The following CLASP1 variants were observed in gnomAD, a reference collection of about 807,000 sequenced individuals.
CLASP1 encodes the protein CLIP-associating protein 1.
In CLASP1, 38 loss-of-function variants were observed where a neutral mutation model predicts 192.3. That is an observed-to-expected ratio of 0.20 (90% CI 0.15 to 0.26). CLASP1 has a LOEUF of 0.26. Ranked by LOEUF, CLASP1 falls within the 10% of genes least tolerant of loss-of-function variation. CLASP1 has a pLI of 1.00. For synonymous variants in CLASP1, 691 were observed against 712.8 expected, an observed-to-expected ratio of 0.97 and a Z score of 0.49; for missense variants, 1,433 against 1,932.5, an observed-to-expected ratio of 0.74 and a Z score of 4.85.
At chr2:121,636,172 A>C (rs2070810420) in intron 1 of CLASP1, among the ~76,000 whole-genome samples, 1 of 151,282 alleles carries the variant, frequency 6.6e-6, no homozygotes, top group Non-Finnish European at 1.5e-5. Flanking sequence ...CCCGGTCTCT[A>C]CTAAAAACAC....
At chr2:121,504,108 TG>T (rs2093857058) in intron 7 of CLASP1, 1 of 152,314 alleles carries the variant, frequency 6.6e-6, no homozygotes, top group Non-Finnish European at 1.5e-5. Context: ...GGTGGGTGCC[TG>T]TAATCCCAGC....
At chr2:121,530,721 G>A (rs2094763137) in intron 2 of CLASP1, 3 of 513,784 alleles carry the variant, frequency 5.8e-6, no homozygotes, top group East Asian at 5.9e-5. Flanking sequence ...GCGACCCTTC[G>A]GGAGCCTCAG....
intron 1 of CLASP1, among the ~76,000 whole-genome samples, chr2:121,641,199 C>T (rs780810059): frequency 2.0e-5 from 3 of 152,066 alleles, no homozygotes; most frequent in South Asian, 2.1e-4. Flanking sequence ...TTAGCATGTC[C>T]GGGCTACTGT....
At chr2:121,366,795 A>C (rs1237985531) in intron 35 of CLASP1, among the ~76,000 whole-genome samples, 1 of 152,224 alleles carries the variant, frequency 6.6e-6, no homozygotes, top group Non-Finnish European at 1.5e-5. Context: ...AAATAAACCA[A>C]ATCATGTAAC....
chr2:121,500,344 A>AAGAAAG, intron 8 of CLASP1, among the ~76,000 whole-genome samples: 1 of 119,310 alleles, frequency 8.4e-6, no homozygotes, highest in East Asian at 2.5e-4. Flanking sequence ...GAAAGAAAGA[A>AAGAAAG]AAAGAAAGAA....
intron 2 of CLASP1, among the ~76,000 whole-genome samples, chr2:121,588,130 T>C (rs948324742): frequency 2.3e-5 from 3 of 133,240 alleles, no homozygotes; most frequent in East Asian, 4.5e-4. Context: ...GCCAAGATCA[T>C]GCCACTGCAC....
chr2:121,453,528 C>T (rs1216171819), intron 14 of CLASP1, among the ~76,000 whole-genome samples: 1 of 151,916 alleles, frequency 6.6e-6, no homozygotes, highest in Admixed American at 6.6e-5. Flanking sequence ...ACACCAACTA[C>T]ACACACACAC....
intron 6 of CLASP1, among the ~76,000 whole-genome samples, chr2:121,522,598 T>C (rs1403309594): frequency 6.6e-6 from 1 of 152,260 alleles, no homozygotes; most frequent in Non-Finnish European, 1.5e-5. Context: ...TTATGATTTA[T>C]ACAGCAGTAA....
At chr2:121,340,010 T>C (rs2062637999) in exon 40 of CLASP1, 1 of 152,224 alleles carries the variant, frequency 6.6e-6, no homozygotes. Context: ...ATGACAACAG[T>C]GTTCCCAAGG....
At chr2:121,447,628 G>A in intron 18 of CLASP1, 121 bp from the exon 19 acceptor site, 5 of 877,844 alleles carry the variant, frequency 5.7e-6, no homozygotes, top group South Asian at 3.6e-5. Flanking sequence ...AAATGCTGGA[G>A]CATAAAAAAC....
chr2:121,381,249 TC>T (rs2071570752), intron 33 of CLASP1, among the ~76,000 whole-genome samples: 1 of 152,158 alleles, frequency 6.6e-6, no homozygotes, highest in East Asian at 1.9e-4. Flanking sequence ...TCCACAAAAG[TC>T]AGAATGCAAA....
chr2:121,378,880 A>G (rs1040785580), intron 33 of CLASP1, among the ~76,000 whole-genome samples: 2 of 152,076 alleles, frequency 1.3e-5, no homozygotes, highest in African/African-American at 4.8e-5. Context: ...GGGCAACACA[A>G]CCAATCCTGT....
rs571949313 is a variant in CLASP1, at chr2:121,451,517, A to G, written c.1445+273T>C. 2.0e-5 allele frequency among the ~76,000 whole-genome samples: 3 copies of G among 152,340 alleles called. No homozygotes were observed. The East Asian group carries it at 5.8e-4, about 29-fold the overall frequency. The stretch of plus-strand genomic sequence containing the variant: ...CTGTTACCTCATGGGAACTGACAGG[A>G]ATGTCAAGCAGCAGGGCCAGAGTCA... On this transcript the variant is annotated intron_variant, in intron 15 of 39. Coordinates refer to ENST00000263710, the Ensembl canonical transcript of CLASP1.
At chr2:121,348,818 C>T (rs2063803443) in intron 37 of CLASP1, 100 bp from the exon 39 acceptor site, 1 of 1,063,062 alleles carries the variant, frequency 9.4e-7, no homozygotes, top group East Asian at 2.6e-5. Context: ...ACAATGACCT[C>T]AATGTCAGAC....
At chr2:121,608,911 G>C (rs1443076698) in intron 1 of CLASP1, among the ~76,000 whole-genome samples, 6 of 152,072 alleles carry the variant, frequency 3.9e-5, no homozygotes, top group African/African-American at 1.4e-4. Context: ...AGCTACATGA[G>C]GTGTCAGCTT....
rs760299989 is a variant in CLASP1 at position 121,348,577 on chromosome 2, C to T, written c.4348G>A (p.Val1450Ile). 31 of 1,613,604 alleles carry T rather than the reference C, an allele frequency of 1.9e-5. No homozygotes were observed. The highest frequency in any genetic ancestry group is 1.6e-4 in the Middle Eastern group (1 of 6,084). The change falls in exon 38 of 40, where the codon GTC becomes ATC. Residue 1450 changes from valine to isoleucine, a missense_variant. By Grantham distance (29) the Val-to-Ile change is conservative (BLOSUM62 3). Transcript: ENST00000263710. ...AATGACTCCTTTGCGATCCTCTCGA[C>T]GACTTTGGTCTGCATCTTGATGGCA...
intron 8 of CLASP1, among the ~76,000 whole-genome samples, chr2:121,474,624 T>G (rs1575217161): frequency 6.6e-6 from 1 of 152,258 alleles, no homozygotes; most frequent in East Asian, 1.9e-4. Flanking sequence ...TAGTCGCAGC[T>G]ACTCGGGAGG....
chr2:121,397,424 C>G, intron 29 of CLASP1, 141 bp from the exon 31 acceptor site: 1 of 692,968 alleles, frequency 1.4e-6, no homozygotes, highest in South Asian at 1.9e-5. Flanking sequence ...CCACGTGGAG[C>G]GACATCCAAC....
intron 1 of CLASP1, among the ~76,000 whole-genome samples, chr2:121,616,391 G>C (rs1416779098): frequency 6.6e-6 from 1 of 152,080 alleles, no homozygotes; most frequent in African/African-American, 2.4e-5. Context: ...AGGTTGCAGT[G>C]AGCAGAGATT....
Sources: allele counts gnomAD v4.1 joint callset (sites outside exome capture counted in the v4.1 genomes callset), GRCh38; gene constraint gnomAD v4.1.1; transcripts MANE v1.5; gene names NCBI Gene and HGNC (gene_info 2026-07-23, HGNC 2026-07-21).